Variants in SLCO6A1 observed in about 807,000 individuals in gnomAD.
SLCO6A1 encodes solute carrier organic anion transporter family member 6A1.
Under a neutral mutation model 72.7 loss-of-function variants are expected in SLCO6A1, and 65 were observed. That is an observed-to-expected ratio of 0.89 (90% CI 0.73 to 1.10). SLCO6A1 has a LOEUF of 1.10. Among genes scored for constraint, SLCO6A1 ranks in the 50% least tolerant of loss-of-function variants. The pLI, the probability that SLCO6A1 is intolerant of heterozygous loss-of-function variation, is 0.00. For missense variants in SLCO6A1, 874 were observed against 872.6 expected (o/e 1.00, Z -0.02); for synonymous variants, 314 against 298.2 (o/e 1.05, Z -0.55).
intron 7 of SLCO6A1, among the ~76,000 whole-genome samples, chr5:102,423,996 A>C (rs539713860): frequency 6.6e-6 from 1 of 152,224 alleles, no homozygotes; most frequent in Non-Finnish European, 1.5e-5. Flanking sequence ...ACTACATTGA[A>C]ACTGAACAAC....
chr5:102,391,230 C>A, intron 10 of SLCO6A1, 185 bp from the exon 11 acceptor site: 1 of 576,758 alleles, frequency 1.7e-6, no homozygotes, highest in Non-Finnish European at 3.1e-6. Context: ...CCATATCCTG[C>A]CCCTTGCCAG....
chr5:102,394,702 T>C (rs1385762715), intron 10 of SLCO6A1, among the ~76,000 whole-genome samples: 1 of 152,068 alleles, frequency 6.6e-6, no homozygotes, highest in African/African-American at 2.4e-5. Context: ...ATTGTTACAT[T>C]AAAAATCAAA....
At position 102,458,470 on chromosome 5, in the gene SLCO6A1, C is replaced by T. The variant is rs747570666; in HGVS notation, c.1043G>A (p.Arg348Lys). 17 of 1,612,254 alleles carry T rather than the reference C, an allele frequency of 1.1e-5. No homozygotes were observed. In the East Asian group the frequency reaches 3.6e-4, roughly 34 times the overall value. Residue 348 changes from arginine to lysine, a missense_variant, in exon 6 of 14, where the codon AGG becomes AAG. Transcript: ENST00000506729. ...AAAAAAATGAAGCTGTTTACGTTTC[C>T]TAGCTTTTATCCGTGTTGAACCTAT... ...NMPGSTRIKA[R>K]KRKQLHFFDS...
At chr5:102,495,782 A>C (rs2112874245) in intron 1 of SLCO6A1, among the ~76,000 whole-genome samples, 1 of 152,054 alleles carries the variant, frequency 6.6e-6, no homozygotes, top group East Asian at 1.9e-4. Context: ...GGAGAAGAAG[A>C]GAGGAAGGGA....
At chr5:102,495,129 G>GC (rs1561507243) in intron 1 of SLCO6A1, among the ~76,000 whole-genome samples, 1 of 152,082 alleles carries the variant, frequency 6.6e-6, no homozygotes, top group Non-Finnish European at 1.5e-5. Flanking sequence ...ATTAAAAGAA[G>GC]CCAGAAACAA....
chr5:102,373,428 A>C lies in SLCO6A1; in HGVS notation c.2084T>G (p.Leu695Arg). ...ATCTGGGAAGTCAGTGTTCTCATTT[A>C]GACGACGTTTGTATATGAAAAATGC... ...TIAFFIYKRRLNENTDFPDVT... is the reference protein window; with the variant it reads ...TIAFFIYKRRRNENTDFPDVT... Residue 695 changes from leucine (L) to arginine (R), a missense_variant, in exon 13 of 14, where the codon CTA (leucine) becomes CGA (arginine). Leu to Arg is a moderately radical substitution (Grantham distance 102, BLOSUM62 -2). Transcript: ENST00000506729. 1 of 1,580,268 alleles carries C rather than the reference A, an allele frequency of 6.3e-7. No homozygotes were observed. Among genetic ancestry groups the C allele is most frequent in the Non-Finnish European group, 8.6e-7 (1 of 1,166,118 alleles).
intron 6 of SLCO6A1, among the ~76,000 whole-genome samples, chr5:102,446,922 T>A (rs1210141653): frequency 1.2e-4 from 19 of 152,068 alleles, no homozygotes; most frequent in Admixed American, 1.0e-3. Flanking sequence ...GCCCTGCTAA[T>A]TTTTTGTATT....
intron 1 of SLCO6A1, among the ~76,000 whole-genome samples, chr5:102,489,067 T>C (rs999297809): frequency 6.6e-6 from 1 of 152,212 alleles, no homozygotes; most frequent in African/African-American, 2.4e-5. Context: ...TATGCCCCAC[T>C]GCTATTTCTC....
chr5:102,375,777 C>T (rs982727467), intron 12 of SLCO6A1, among the ~76,000 whole-genome samples: 1 of 151,852 alleles, frequency 6.6e-6, no homozygotes, highest in African/African-American at 2.4e-5. Flanking sequence ...AACAGAGCGT[C>T]CAAGATACAT....
intron 1 of SLCO6A1, among the ~76,000 whole-genome samples, chr5:102,484,178 C>T (rs1019347061): frequency 6.6e-6 from 1 of 152,140 alleles, no homozygotes; most frequent in African/African-American, 2.4e-5. Context: ...CTTTTTGTCG[C>T]TACATGCCAT....
At chr5:102,378,116 T>C (rs190476584) in intron 12 of SLCO6A1, among the ~76,000 whole-genome samples, 1 of 152,124 alleles carries the variant, frequency 6.6e-6, no homozygotes, top group East Asian at 1.9e-4. Flanking sequence ...AGAATAATTA[T>C]CTTGCCCTGG....
intron 7 of SLCO6A1, among the ~76,000 whole-genome samples, chr5:102,431,770 C>T (rs1280035058): frequency 1.3e-5 from 2 of 152,142 alleles, no homozygotes; most frequent in Admixed American, 6.6e-5. Context: ...GCATTGAGTT[C>T]AGGTCCTGAA....
At chr5:102,482,927 C>G (rs146263278) in intron 1 of SLCO6A1, among the ~76,000 whole-genome samples, 133 of 152,236 alleles carry the variant, frequency 8.7e-4, no homozygotes, top group Non-Finnish European at 1.6e-3. Context: ...AGGAATGGAG[C>G]CAGTACCTAG....
At chr5:102,464,661 A>G (rs897875406) in intron 4 of SLCO6A1, among the ~76,000 whole-genome samples, 1 of 152,210 alleles carries the variant, frequency 6.6e-6, no homozygotes, top group South Asian at 2.1e-4. Context: ...AGTGAACTCT[A>G]CAGGTGGTTG....
chr5:102,436,352 T>C (rs891028618), intron 7 of SLCO6A1, among the ~76,000 whole-genome samples: 1 of 152,120 alleles, frequency 6.6e-6, no homozygotes, highest in Non-Finnish European at 1.5e-5. Context: ...AACTGATAAA[T>C]CCCAACAAAA....
intron 1 of SLCO6A1, among the ~76,000 whole-genome samples, chr5:102,487,311 T>G (rs1752488543): frequency 6.6e-6 from 1 of 152,170 alleles, no homozygotes; most frequent in Non-Finnish European, 1.5e-5. Context: ...ATGTAAACAA[T>G]GTACAAGTCT....
intron 12 of SLCO6A1, among the ~76,000 whole-genome samples, chr5:102,373,790 C>T (rs981503425): frequency 6.6e-6 from 1 of 152,118 alleles, no homozygotes; most frequent in Non-Finnish European, 1.5e-5. Flanking sequence ...TTCTGACTTT[C>T]AAAACTTAGC....
chr5:102,444,720 T>C (rs1750016402), intron 6 of SLCO6A1, among the ~76,000 whole-genome samples: 1 of 152,224 alleles, frequency 6.6e-6, no homozygotes, highest in African/African-American at 2.4e-5. Context: ...CAAAATGTTC[T>C]GACCTAAATA....
At chr5:102,420,102 T>G (rs937901589) in intron 7 of SLCO6A1, 81 bp from the exon 8 acceptor site, 7 of 1,193,480 alleles carry the variant, frequency 5.9e-6, no homozygotes, top group Non-Finnish European at 8.0e-6. Context: ...ACAATTTCCT[T>G]TGCTCTAAAC....
Sources: allele counts gnomAD v4.1 joint callset (sites outside exome capture counted in the v4.1 genomes callset), GRCh38; gene constraint gnomAD v4.1.1; transcripts MANE v1.5; gene names NCBI Gene and HGNC (gene_info 2026-07-23, HGNC 2026-07-21).